Variants in SPICE1 observed in about 807,000 individuals in gnomAD.
The protein encoded by SPICE1 is spindle and centriole-associated protein 1.
SPICE1 carries 75 observed loss-of-function variants against 102.7 expected under a neutral mutation model. That is an observed-to-expected ratio of 0.73 (90% CI 0.61 to 0.88). The LOEUF is 0.88. SPICE1 is among the 40% of genes least tolerant of loss of function. The pLI is 0.00. For synonymous variants in SPICE1, 308 were observed against 350.3 expected (o/e 0.88, Z 1.35); for missense variants, 979 against 1,020.1 (o/e 0.96, Z 0.55).
chr3:113,492,584 A>T (rs146172502), intron 6 of SPICE1, among the ~76,000 whole-genome samples: 1 of 152,288 alleles, frequency 6.6e-6, no homozygotes, highest in East Asian at 1.9e-4. Context: ...TATTTTTTAA[A>T]TATCCTAATA....
At chr3:113,473,881 A>T (rs1172171370) in intron 7 of SPICE1, among the ~76,000 whole-genome samples, 1 of 152,120 alleles carries the variant, frequency 6.6e-6, no homozygotes, top group Non-Finnish European at 1.5e-5. Context: ...GCATCAACTA[A>T]CGAGCAAAAT....
chr3:113,486,862 GAT>G (rs141247316), intron 7 of SPICE1, among the ~76,000 whole-genome samples: 1,767 of 143,868 alleles, frequency 0.012, 34 homozygotes, highest in East Asian at 0.058. Context: ...AAAATAAGGA[GAT>G]ATATATATAT....
chr3:113,498,152 A>G (rs1250788273), intron 4 of SPICE1, among the ~76,000 whole-genome samples: 1 of 152,194 alleles, frequency 6.6e-6, no homozygotes, highest in African/African-American at 2.4e-5. Flanking sequence ...CTGGGATTAC[A>G]GGCATGAGCT....
At chr3:113,474,157 C>A (rs1429661732) in intron 7 of SPICE1, among the ~76,000 whole-genome samples, 12 of 151,402 alleles carry the variant, frequency 7.9e-5, no homozygotes, top group Non-Finnish European at 1.5e-4. Flanking sequence ...ATAAAACAGA[C>A]TTTAAACCAA....
chr3:113,471,356 G>T (rs531350275), intron 7 of SPICE1, among the ~76,000 whole-genome samples: 5 of 152,274 alleles, frequency 3.3e-5, no homozygotes, highest in Middle Eastern at 6.8e-3. Flanking sequence ...GACAGAGGAA[G>T]ATCTTTGACA....
intron 7 of SPICE1, among the ~76,000 whole-genome samples, chr3:113,481,548 A>G (rs1936503817): frequency 6.6e-6 from 1 of 151,936 alleles, no homozygotes; most frequent in Non-Finnish European, 1.5e-5. Context: ...TATTTCTCCT[A>G]ACGCTATCCC....
chr3:113,464,196 G>A (rs570527304), intron 11 of SPICE1, among the ~76,000 whole-genome samples: 120 of 151,802 alleles, frequency 7.9e-4, no homozygotes, highest in African/African-American at 2.8e-3. Context: ...TAAAAGGGTG[G>A]AGGACTTAAT....
chr3:113,448,249 CATCT>C, intron 15 of SPICE1, 109 bp from the exon 16 acceptor site: 1 of 971,132 alleles, frequency 1.0e-6, no homozygotes, highest in South Asian at 2.2e-5. Context: ...TGGTTCTTTC[CATCT>C]GTTTTAATCT....
intron 7 of SPICE1, among the ~76,000 whole-genome samples, chr3:113,481,098 A>G (rs771362051): frequency 7.2e-5 from 11 of 152,216 alleles, no homozygotes; most frequent in Non-Finnish European, 1.6e-4. Flanking sequence ...AAAGACTTAG[A>G]TAACAAGGAA....
At chr3:113,478,572 C>G (rs1936416496) in intron 7 of SPICE1, among the ~76,000 whole-genome samples, 1 of 152,046 alleles carries the variant, frequency 6.6e-6, no homozygotes, top group Admixed American at 6.6e-5. Context: ...ACAAGAATCA[C>G]TTTTATAAGA....
intron 1 of SPICE1, among the ~76,000 whole-genome samples, chr3:113,509,472 G>A (rs575531547): frequency 6.6e-6 from 1 of 152,276 alleles, no homozygotes; most frequent in Non-Finnish European, 1.5e-5. Context: ...TGTATGTATA[G>A]TATATTCTCA....
intron 13 of SPICE1, among the ~76,000 whole-genome samples, chr3:113,455,592 T>A (rs772840237): frequency 1.8e-4 from 27 of 152,202 alleles, no homozygotes; most frequent in Non-Finnish European, 3.2e-4. Context: ...AAAGCTATCC[T>A]AAAAGAGAAC....
At chr3:113,460,582 C>A in intron 12 of SPICE1, 35 bp downstream of exon 12, 1 of 1,574,096 alleles carries the variant, frequency 6.4e-7, no homozygotes, top group South Asian at 1.2e-5. Context: ...ATTAAGTAGT[C>A]TAATGACAGT....
chr3:113,506,634 A>T (rs1294150080), intron 1 of SPICE1, 29 bp from the exon 2 acceptor site: 1 of 1,572,266 alleles, frequency 6.4e-7, no homozygotes. Flanking sequence ...TCAAATTTTT[A>T]AAATACAAGA....
chr3:113,461,249 A>T (rs939103437), intron 11 of SPICE1, among the ~76,000 whole-genome samples: 4 of 151,932 alleles, frequency 2.6e-5, no homozygotes, highest in Non-Finnish European at 4.4e-5. Flanking sequence ...TGATTTTTAC[A>T]TACGTGCATG....
At chr3:113,460,043 C>T in intron 12 of SPICE1, 1 of 985,372 alleles carries the variant, frequency 1.0e-6, no homozygotes, top group Non-Finnish European at 1.2e-6. Flanking sequence ...CTTACAGATA[C>T]TCATCAAAGT....
At position 113,468,918 on chromosome 3, in the gene SPICE1, C is replaced by T. The variant is rs760714634; in HGVS notation, c.752-19G>A. ...AGAGCAGCTAAAAGGAAGAACATTTCCAAAAGTATCTCAAGTGAACAAACT... is the reference window on the plus strand; with the variant it reads ...AGAGCAGCTAAAAGGAAGAACATTTTCAAAAGTATCTCAAGTGAACAAACT... On this transcript the variant is annotated intron_variant, in intron 8 of 17. Coordinates refer to ENST00000295872, the MANE Select transcript of SPICE1 (RefSeq NM_144718.4). 2.5e-6 allele frequency: 4 copies of T among 1,596,650 alleles called. No homozygotes were observed. The highest frequency in any genetic ancestry group is 2.7e-5 in the African/African-American group (2 of 73,776).
At position 113,444,585 on chromosome 3, in the gene SPICE1, T is replaced by C. The variant is rs1325418788; in HGVS notation, c.*722A>G. On this transcript the variant is annotated 3_prime_UTR_variant, in exon 18 of 18. Transcript: ENST00000295872. ...ATTAATAGCAACTTTTTCTATTTAA[T>C]TGTTTGAAGCATTAAATATACCATT... The C allele has an allele frequency of 1.3e-5, 2 of 152,178 alleles. No individual in the cohort carries two copies. The highest frequency in any genetic ancestry group is 2.4e-5 in the African/African-American group (1 of 41,454). 9.4% of individuals were successfully genotyped at this position (152,178 alleles called of 1,614,324 possible).
chr3:113,457,274 C>T lies in SPICE1; in HGVS notation c.1519G>A (p.Val507Ile), dbSNP rs572545511. 9.3e-6 allele frequency: 15 copies of T among 1,614,148 alleles called. No homozygotes were observed. The African/African-American group carries it at 9.3e-5, about 10-fold the overall frequency. ...GGGTCTGGCACCTGAGACAGTTTAA[C>T]GGGCAACTCTTCCTGTGGGAATTCA... is the stretch of plus-strand genomic sequence containing the variant. ...VAEFPQEELP[V>I]KLSQVPDPPD... The change falls in exon 13 of 18, where the codon GTT (valine) becomes ATT (isoleucine). Residue 507 changes from valine (V) to isoleucine (I), a missense_variant. Coordinates refer to ENST00000295872, the MANE Select transcript of SPICE1 (RefSeq NM_144718.4).
Sources: gnomAD v4.1 joint callset for allele counts (sites outside exome capture counted in the v4.1 genomes callset) on GRCh38, gnomAD v4.1.1 for gene constraint, MANE v1.5 for transcripts, NCBI Gene and HGNC (gene_info 2026-07-23, HGNC 2026-07-21) for gene names.